The following SLC12A7 variants were observed in gnomAD, a reference collection of about 807,000 sequenced individuals.
The protein encoded by SLC12A7 is K-Cl cotransporter 4.
In SLC12A7, 100 loss-of-function variants were observed where a neutral mutation model predicts 120.6. The ratio of observed to expected loss-of-function variants is 0.83; its 90% CI spans 0.71 to 0.98. SLC12A7 has a LOEUF of 0.98. Among genes scored for constraint, SLC12A7 ranks in the 50% least tolerant of loss-of-function variants. The pLI is 0.00. For missense variants in SLC12A7, 1,373 were observed against 1,548.1 expected, an observed-to-expected ratio of 0.89 and a Z score of 1.90; for synonymous variants, 760 against 678.0, an observed-to-expected ratio of 1.12 and a Z score of -1.88.
At chr5:1,116,394 C>T (rs114249239), upstream of SLC12A7, among the ~76,000 whole-genome samples, 5,145 of 152,318 alleles carry the variant, frequency 0.034, 113 homozygotes, top group Non-Finnish European at 0.048. Context: ...GAGCCTCCCC[C>T]GGGTCCTGTG....
chr5:1,064,617 G>A (rs888106552), intron 18 of SLC12A7, among the ~76,000 whole-genome samples: 2 of 152,234 alleles, frequency 1.3e-5, no homozygotes, highest in African/African-American at 4.8e-5. Flanking sequence ...GCCTGGGGAC[G>A]TTGAGGGGAC....
chr5:1,054,687 G>A (rs566896338), intron 22 of SLC12A7, among the ~76,000 whole-genome samples: 11 of 152,328 alleles, frequency 7.2e-5, no homozygotes, highest in African/African-American at 1.7e-4. Flanking sequence ...GGCCGCCCAT[G>A]CAGGGTCATG....
intron 20 of SLC12A7, among the ~76,000 whole-genome samples, chr5:1,063,509 C>T (rs530426972): frequency 1.9e-4 from 29 of 152,282 alleles, no homozygotes; most frequent in East Asian, 5.8e-4. Flanking sequence ...AAGCAACACA[C>T]GGGGCTCTGT....
chr5:1,133,326 C>T, the SLC12A7 span, among the ~76,000 whole-genome samples: 6 of 152,218 alleles, frequency 3.9e-5, no homozygotes, highest in Non-Finnish European at 7.3e-5. Flanking sequence ...CCCAACCCCC[C>T]GACCTCCTCA....
intron 18 of SLC12A7, among the ~76,000 whole-genome samples, 194 bp downstream of exon 18, chr5:1,065,089 G>C (rs879065965): frequency 6.8e-6 from 1 of 146,406 alleles, no homozygotes; most frequent in Non-Finnish European, 1.5e-5. Context: ...GGACACTGAG[G>C]AGACACACAG....
intron 10 of SLC12A7, 141 bp from the exon 11 acceptor site, chr5:1,078,899 A>G (rs949007749): frequency 6.5e-5 from 45 of 687,072 alleles, no homozygotes; most frequent in Admixed American, 1.5e-4. Context: ...ACCGTTCTGC[A>G]TCCCATCCCA....
At chr5:1,136,183 G>A in the SLC12A7 span, among the ~76,000 whole-genome samples, 11 of 152,134 alleles carry the variant, frequency 7.2e-5, no homozygotes, top group African/African-American at 1.7e-4. Context: ...ACTGCTGTGC[G>A]GCTTTGTCCT....
At chr5:1,076,853 C>A (rs144564285) in intron 12 of SLC12A7, 41 bp from the exon 13 acceptor site, 1 of 1,354,652 alleles carries the variant, frequency 7.4e-7, no homozygotes, top group Non-Finnish European at 1.0e-6. Flanking sequence ...GATGACACCA[C>A]CCTTTTAGGA....
rs1001828166 is a variant in SLC12A7, at chr5:1,088,904, G to A, written c.489+78C>T. On this transcript the variant is annotated intron_variant, in intron 4 of 23. Coordinates refer to ENST00000264930, the MANE Select transcript of SLC12A7 (RefSeq NM_006598.3). ...AGGCACAACCACAGCGGCCAGGGGA[G>A]ACGGCATCTGGGGAGAGCCCTACTG... 3.3e-5 allele frequency: 51 copies of A among 1,568,074 alleles called. 1 individual carries two copies. The highest frequency in any genetic ancestry group is 4.5e-5 in the East Asian group (2 of 44,494).
intron 1 of SLC12A7, among the ~76,000 whole-genome samples, chr5:1,107,393 G>A (rs1742611715): frequency 6.6e-6 from 1 of 152,206 alleles, no homozygotes; most frequent in Non-Finnish European, 1.5e-5. Flanking sequence ...AGCTGTGTAG[G>A]ACGTGGCCCC....
At chr5:1,057,367 GT>G in intron 22 of SLC12A7, 103 bp downstream of exon 22, 1 of 1,234,198 alleles carries the variant, frequency 8.1e-7, no homozygotes, top group Non-Finnish European at 1.1e-6. Context: ...GGCCTGCAGG[GT>G]TGCCCCGAAG....
intron 1 of SLC12A7, among the ~76,000 whole-genome samples, chr5:1,104,320 TC>T (rs1194793004): frequency 6.6e-6 from 1 of 152,296 alleles, no homozygotes; most frequent in East Asian, 1.9e-4. Context: ...GAGCAAATGT[TC>T]AAGGATCACT....
chr5:1,119,828 G>A, the SLC12A7 span, among the ~76,000 whole-genome samples: 3 of 152,246 alleles, frequency 2.0e-5, no homozygotes, highest in Non-Finnish European at 4.4e-5. Context: ...GCAGGCTGGG[G>A]GGCGGTGCCC....
chr5:1,110,276 G>A (rs1313724772), intron 1 of SLC12A7, among the ~76,000 whole-genome samples: 2 of 152,206 alleles, frequency 1.3e-5, no homozygotes, highest in Non-Finnish European at 2.9e-5. Flanking sequence ...CCTCAAAAGT[G>A]TCCAGAAGCC....
chr5:1,093,110 G>C (rs1740704805), intron 3 of SLC12A7, among the ~76,000 whole-genome samples: 1 of 152,208 alleles, frequency 6.6e-6, no homozygotes, highest in South Asian at 2.1e-4. Flanking sequence ...AATGCTACCA[G>C]GCTAAGTGTC....
At chr5:1,098,209 A>ACACCCAGCCCCCCTCTAACCCTCTGCT (rs1741531330) in intron 1 of SLC12A7, among the ~76,000 whole-genome samples, 1 of 47,496 alleles carries the variant, frequency 2.1e-5, no homozygotes, top group Non-Finnish European at 4.5e-5. Flanking sequence ...AACCCTCTGC[A>ACACCCAGCCCCCCTCTAACCCTCTGCT]CACCCAGCCC....
At chr5:1,082,332 C>T (rs56168013) in intron 8 of SLC12A7, among the ~76,000 whole-genome samples, 62 of 133,468 alleles carry the variant, frequency 4.6e-4, no homozygotes, top group African/African-American at 1.6e-3. Flanking sequence ...CTGGAAAGTC[C>T]GGGCTTCCCG....
chr5:1,115,518 C>T (rs531327359), upstream of SLC12A7, among the ~76,000 whole-genome samples: 2 of 152,316 alleles, frequency 1.3e-5, no homozygotes, highest in East Asian at 1.9e-4. Flanking sequence ...GGGTGGGGGG[C>T]TCATCTCCTG....
At chr5:1,056,985 C>G (rs1364247417) in intron 22 of SLC12A7, among the ~76,000 whole-genome samples, 1 of 152,234 alleles carries the variant, frequency 6.6e-6, no homozygotes, top group Non-Finnish European at 1.5e-5. Flanking sequence ...CTCCTCGCCT[C>G]CATGGAACAG....
Sources: gnomAD v4.1 joint callset for allele counts (sites outside exome capture counted in the v4.1 genomes callset) on GRCh38, gnomAD v4.1.1 for gene constraint, MANE v1.5 for transcripts, NCBI Gene and HGNC (gene_info 2026-07-23, HGNC 2026-07-21) for gene names.